The following EGFLAM variants were observed in gnomAD, a reference collection of about 807,000 sequenced individuals.
EGFLAM encodes pikachurin.
EGFLAM carries 79 observed loss-of-function variants against 113.1 expected under a neutral mutation model. The observed-to-expected ratio is 0.70, with a 90% CI of 0.58 to 0.84. The LOEUF (loss-of-function observed/expected upper bound fraction) is 0.84. Among genes scored for constraint, EGFLAM ranks in the 40% least tolerant of loss-of-function variants. The pLI is 0.00. For synonymous variants in EGFLAM, 504 were observed against 487.6 expected (o/e 1.03, Z -0.44); for missense variants, 1,265 against 1,291.6 (o/e 0.98, Z 0.32).
Position 38,370,471 on chromosome 5 carries a change from C to A in EGFLAM, c.712+9C>A, listed in dbSNP as rs753196225. On this transcript the variant is annotated intron_variant, in intron 6 of 21. Coordinates refer to ENST00000322350, the MANE Select transcript of EGFLAM (RefSeq NM_152403.4). ...CATCATCCGGACCCTCTGTGAGTAC[C>A]AGGGTCCTTCTGAGGGACCAAGGGA... The A allele has an allele frequency of 2.5e-5, 40 of 1,611,898 alleles. No individual in the cohort carries two copies. Among genetic ancestry groups the A allele is most frequent in the Non-Finnish European group, 3.3e-5 (39 of 1,178,538 alleles).
chr5:38,435,141 G>A lies in EGFLAM; in HGVS notation c.2171G>A (p.Gly724Asp), dbSNP rs768533327. The A allele has an allele frequency of 6.2e-7, 1 of 1,613,576 alleles. No homozygotes were observed. Among genetic ancestry groups the A allele is most frequent in the African/African-American group, 1.3e-5 (1 of 75,002 alleles). ...QKIVEGMAEG[G>D]FTQIKCNTDI... ...TTGTTTTTAATCTTTTGGCAGGGAG[G>A]CTTCACACAGATTAAGTGCAACACA... The change falls in exon 16 of 22, where the codon GGC becomes GAC. Residue 724 changes from glycine (G) to aspartate (D), a missense_variant. Physicochemically the swap from Gly to Asp is moderately conservative, Grantham distance 94. Coordinates refer to ENST00000322350, the MANE Select transcript of EGFLAM (RefSeq NM_152403.4).
chr5:38,330,674 C>G (rs775860866), intron 1 of EGFLAM, among the ~76,000 whole-genome samples: 6 of 152,156 alleles, frequency 3.9e-5, no homozygotes, highest in Non-Finnish European at 8.8e-5. Flanking sequence ...AAGGAGCCTG[C>G]CTTGATCACT....
In EGFLAM at chr5:38,388,581, T is replaced by TAA. The variant is rs529025586; in HGVS notation, c.713-17539_713-17538dup. Among the ~76,000 whole-genome samples the TAA allele has an allele frequency of 3.9e-3, 592 of 151,310 alleles. 2 individuals carry two copies. Among genetic ancestry groups the TAA allele is most frequent in the African/African-American group, 0.014 (564 of 41,024 alleles). Reference sequence around the variant, plus strand: ...CAACATGGTGAAAGCCCATCTCTACTAAAAAAATATATATATATGTATATA... The same window carrying TAA: ...CAACATGGTGAAAGCCCATCTCTACTAAAAAAAAATATATATATATGTATATA... On this transcript the variant is annotated intron_variant, in intron 6 of 21. Coordinates refer to ENST00000322350, the MANE Select transcript of EGFLAM (RefSeq NM_152403.4).
chr5:38,406,921 C>T lies in EGFLAM; in HGVS notation c.922C>T (p.Leu308Phe). The change falls in exon 8 of 22, where the codon CTC becomes TTC. Residue 308 changes from leucine to phenylalanine, a missense_variant. Leu to Phe is a conservative substitution (Grantham distance 22, BLOSUM62 0). Transcript: ENST00000322350. ...ATCTAACCCAAAGACCATTTCTAGG[C>T]TCATCCCCCCTACCTCAGCATCTCT... The part of the protein sequence containing the change: ...SISNPKTISR[L>F]IPPTSASLPV... The T allele has an allele frequency of 1.2e-6, 2 of 1,614,194 alleles. No homozygotes were observed. Among genetic ancestry groups the T allele is most frequent in the South Asian group, 2.2e-5 (2 of 91,082 alleles).
At chr5:38,451,947 G>A (rs1050296595) in intron 19 of EGFLAM, among the ~76,000 whole-genome samples, 4 of 142,866 alleles carry the variant, frequency 2.8e-5, no homozygotes, top group Admixed American at 7.0e-5. Context: ...AGCTGAGATC[G>A]CGCTACTGCA....
At chr5:38,264,822 G>A (rs143238103) in intron 1 of EGFLAM, among the ~76,000 whole-genome samples, 12 of 152,212 alleles carry the variant, frequency 7.9e-5, no homozygotes, top group South Asian at 6.2e-4. Flanking sequence ...TAGGTGCTAG[G>A]GACCTAGCAC....
At chr5:38,458,618 C>T (rs936220888) in intron 20 of EGFLAM, among the ~76,000 whole-genome samples, 1 of 152,164 alleles carries the variant, frequency 6.6e-6, no homozygotes, top group Non-Finnish European at 1.5e-5. Context: ...TAAGCAGTAA[C>T]CTTCTGGAGA....
intron 12 of EGFLAM, among the ~76,000 whole-genome samples, chr5:38,424,087 GT>G (rs1396079543): frequency 1.3e-5 from 2 of 152,168 alleles, no homozygotes; most frequent in Non-Finnish European, 2.9e-5. Flanking sequence ...CAGAAAAAGT[GT>G]TTTGTACTCC....
At position 38,458,408 on chromosome 5, in the gene EGFLAM, G is replaced by T. The variant is rs202022737; in HGVS notation, c.2771+14G>T. On this transcript the variant is annotated intron_variant, in intron 20 of 21. Transcript: ENST00000322350. The stretch of plus-strand genomic sequence containing the variant: ...TAAGGCCGTTAGGTGAGTCCCTCCC[G>T]CAGCATGAGGCAGAGCCAGAGCTGA... The T allele has an allele frequency of 6.2e-7, 1 of 1,612,312 alleles. No individual in the cohort carries two copies. The highest frequency in any genetic ancestry group is 8.5e-7 in the Non-Finnish European group (1 of 1,179,014).
chr5:38,376,665 A>G (rs950420545), intron 6 of EGFLAM, among the ~76,000 whole-genome samples: 4 of 152,000 alleles, frequency 2.6e-5, no homozygotes, highest in African/African-American at 9.7e-5. Flanking sequence ...TTCAGATCCT[A>G]GCTCAAATGT....
intron 19 of EGFLAM, among the ~76,000 whole-genome samples, chr5:38,453,637 A>G (rs966525330): frequency 2.0e-5 from 3 of 152,092 alleles, no homozygotes; most frequent in Admixed American, 1.3e-4. Flanking sequence ...TTGCTAGCCC[A>G]GAGGTTGAAC....
intron 6 of EGFLAM, among the ~76,000 whole-genome samples, chr5:38,384,404 C>T (rs949930120): frequency 1.3e-5 from 2 of 152,120 alleles, no homozygotes; most frequent in Non-Finnish European, 2.9e-5. Context: ...GTGGTTACAC[C>T]GCTCCATTCT....
intron 1 of EGFLAM, among the ~76,000 whole-genome samples, chr5:38,281,535 TAATA>T (rs1317482838): frequency 6.6e-6 from 1 of 152,212 alleles, no homozygotes; most frequent in Non-Finnish European, 1.5e-5. Flanking sequence ...TCTAATCATA[TAATA>T]ATTATAGTAA....
intron 15 of EGFLAM, among the ~76,000 whole-genome samples, chr5:38,434,637 G>C (rs1206181557): frequency 1.3e-5 from 2 of 152,208 alleles, no homozygotes; most frequent in Admixed American, 6.5e-5. Flanking sequence ...GTTAGCTGCA[G>C]CTGTAATCTG....
intron 1 of EGFLAM, among the ~76,000 whole-genome samples, chr5:38,328,141 G>A (rs910610593): frequency 6.6e-6 from 1 of 152,158 alleles, no homozygotes; most frequent in African/African-American, 2.4e-5. Flanking sequence ...AGCATGGCTG[G>A]GGAGGCTCGG....
chr5:38,316,983 T>G (rs572675126), intron 1 of EGFLAM, among the ~76,000 whole-genome samples: 3 of 152,188 alleles, frequency 2.0e-5, no homozygotes, highest in Non-Finnish European at 4.4e-5. Context: ...GTAGTCTGCT[T>G]GCTTCCGGCA....
chr5:38,451,459 G>GT lies in EGFLAM; in HGVS notation c.2687+2dup, dbSNP rs756513354. 12 of 1,613,654 alleles carry GT rather than the reference G, an allele frequency of 7.4e-6. No homozygotes were observed. The Admixed American group carries it at 1.8e-4, about 25-fold the overall frequency. ...TTCGGGATGGAGCCCTCGTGTTCAG[G>GT]TAACCCCCTCTCCATCTGCCTTCAG... On this transcript the variant is annotated splice_donor_variant, in intron 19 of 21. Transcript: ENST00000322350. LOFTEE classifies it high-confidence loss of function.
intron 1 of EGFLAM, among the ~76,000 whole-genome samples, chr5:38,313,319 G>A (rs1053511490): frequency 1.3e-5 from 2 of 152,014 alleles, no homozygotes; most frequent in Non-Finnish European, 2.9e-5. Context: ...TAACAAAAAC[G>A]TTTCCATGTG....
At chr5:38,415,620 GC>G (rs1741616876) in intron 11 of EGFLAM, among the ~76,000 whole-genome samples, 1 of 152,194 alleles carries the variant, frequency 6.6e-6, no homozygotes. Flanking sequence ...CCTGCAGTGA[GC>G]CATGTTTGAG....
Sources: gnomAD v4.1 joint callset for allele counts (sites outside exome capture counted in the v4.1 genomes callset) on GRCh38, gnomAD v4.1.1 for gene constraint, MANE v1.5 for transcripts, NCBI Gene and HGNC (gene_info 2026-07-23, HGNC 2026-07-21) for gene names.